The following PGGT1B variants were observed in gnomAD, a reference collection of about 807,000 sequenced individuals.
PGGT1B encodes the protein protein geranylgeranyltransferase type I subunit beta.
Under a neutral mutation model 46.1 loss-of-function variants are expected in PGGT1B, and 30 were observed. The observed-to-expected ratio is 0.65, with a 90% CI of 0.49 to 0.88. The LOEUF (loss-of-function observed/expected upper bound fraction) is 0.88. PGGT1B is among the 40% of genes least tolerant of loss of function. PGGT1B has a pLI of 0.00. For synonymous variants in PGGT1B, 170 were observed against 160.0 expected (o/e 1.06, Z -0.47); for missense variants, 376 against 455.9 (o/e 0.82, Z 1.60).
intron 3 of PGGT1B, among the ~76,000 whole-genome samples, chr5:115,240,427 A>G (rs1328777462): frequency 6.6e-6 from 1 of 152,200 alleles, no homozygotes; most frequent in Non-Finnish European, 1.5e-5. Context: ...TCTGTTCATT[A>G]TGACTAAATG....
chr5:115,219,181 C>T (rs1361621797), intron 7 of PGGT1B, among the ~76,000 whole-genome samples: 4 of 151,896 alleles, frequency 2.6e-5, no homozygotes, highest in Non-Finnish European at 5.9e-5. Flanking sequence ...AAGTCTCAAA[C>T]TTCTTGACTT....
intron 6 of PGGT1B, among the ~76,000 whole-genome samples, chr5:115,223,340 C>A (rs548151400): frequency 6.6e-6 from 1 of 151,994 alleles, no homozygotes; most frequent in Admixed American, 6.6e-5. Context: ...TTAAGTTAAA[C>A]GATCTTGAAA....
intron 2 of PGGT1B, among the ~76,000 whole-genome samples, chr5:115,250,194 T>A (rs191660242): frequency 6.6e-6 from 1 of 152,314 alleles, no homozygotes; most frequent in East Asian, 1.9e-4. Flanking sequence ...CTAGATGTTA[T>A]AATTCCCTAG....
intron 2 of PGGT1B, among the ~76,000 whole-genome samples, chr5:115,249,177 C>T (rs1487052208): frequency 6.6e-6 from 1 of 151,800 alleles, no homozygotes; most frequent in Non-Finnish European, 1.5e-5. Flanking sequence ...TCTATGTATC[C>T]TTTCTGAGTT....
At chr5:115,256,217 T>C (rs1748306201) in intron 1 of PGGT1B, among the ~76,000 whole-genome samples, 1 of 152,210 alleles carries the variant, frequency 6.6e-6, no homozygotes, top group East Asian at 1.9e-4. Flanking sequence ...CCACGGCTGC[T>C]GCTAAATGTC....
intron 1 of PGGT1B, among the ~76,000 whole-genome samples, chr5:115,253,782 T>C (rs1041767717): frequency 3.3e-5 from 5 of 152,010 alleles, no homozygotes; most frequent in South Asian, 2.1e-4. Context: ...AAAATACAAA[T>C]GTACTTACAC....
chr5:115,239,107 C>T (rs1757275055), intron 3 of PGGT1B, among the ~76,000 whole-genome samples: 1 of 151,882 alleles, frequency 6.6e-6, no homozygotes, highest in African/African-American at 2.4e-5. Flanking sequence ...GGCACAATCT[C>T]GCTCACTGCA....
rs1368325570 is a variant in PGGT1B at position 115,206,916 on chromosome 5, T to A, written c.*5486A>T. On this transcript the variant is annotated 3_prime_UTR_variant, in exon 9 of 9. Transcript: ENST00000419445. ...TAGTATGTTCTCTCAAATAACAATA[T>A]AATTTTTATTGGAATGGCACTGAAT... 1.3e-5 allele frequency: 2 copies of A among 151,806 alleles called. No homozygotes were observed. Among genetic ancestry groups the A allele is most frequent in the African/African-American group, 4.8e-5 (2 of 41,390 alleles). The allele number at this position is 151,806 out of a possible 1,614,324, so 9.4% of individuals were successfully genotyped here.
rs1225624353 is a variant in PGGT1B at position 115,212,035 on chromosome 5, T to G, written c.*367A>C. ...TCACTAAGTGTTCACCTGAAGATTA[T>G]CAATGCTATATGAAGTGTAAACTTG... On this transcript the variant is annotated 3_prime_UTR_variant, in exon 9 of 9. Transcript: ENST00000419445. 5.9e-6 allele frequency: 1 copy of G among 170,668 alleles called. No homozygotes were observed. The highest frequency in any genetic ancestry group is 1.3e-5 in the Non-Finnish European group (1 of 79,386). The allele number at this position is 170,668 out of a possible 1,614,324, so 10.6% of individuals were successfully genotyped here.
chr5:115,241,009 C>T (rs1219932133), intron 3 of PGGT1B, among the ~76,000 whole-genome samples: 1 of 152,102 alleles, frequency 6.6e-6, no homozygotes, highest in African/African-American at 2.4e-5. Flanking sequence ...GGTATCAAGG[C>T]CTTTGGATAT....
intron 5 of PGGT1B, among the ~76,000 whole-genome samples, chr5:115,233,323 G>A (rs1034634219): frequency 1.3e-5 from 2 of 151,362 alleles, no homozygotes; most frequent in Non-Finnish European, 3.0e-5. Flanking sequence ...AAAAGAAATA[G>A]AAGAAAAAGA....
chr5:115,254,221 C>A (rs1278293336), intron 1 of PGGT1B, among the ~76,000 whole-genome samples: 1 of 152,006 alleles, frequency 6.6e-6, no homozygotes, highest in South Asian at 2.1e-4. Context: ...GTACTATTAT[C>A]TAGAATAGTA....
chr5:115,208,254 T>C lies in PGGT1B; in HGVS notation c.*4148A>G, dbSNP rs1182934135. The C allele has an allele frequency of 3.3e-5, 5 of 151,662 alleles. No homozygotes were observed. The highest frequency in any genetic ancestry group is 2.1e-4 in the South Asian group (1 of 4,766). The allele number at this position is 151,662 out of a possible 1,614,324, so 9.4% of individuals were successfully genotyped here. ...GAATTCAGGAGTTTTTCTTTATTTG[T>C]TTTTTTTCTTTTTTTGGCACTTTGA... is the stretch of plus-strand genomic sequence containing the variant. On this transcript the variant is annotated 3_prime_UTR_variant, in exon 9 of 9. Transcript: ENST00000419445.
At chr5:115,223,445 G>C (rs1756650805) in intron 6 of PGGT1B, among the ~76,000 whole-genome samples, 1 of 152,064 alleles carries the variant, frequency 6.6e-6, no homozygotes, top group African/African-American at 2.4e-5. Flanking sequence ...ACAGAGAGGG[G>C]GTGGCAATGC....
At chr5:115,230,896 G>T in intron 6 of PGGT1B, 80 bp downstream of exon 6, 1 of 820,400 alleles carries the variant, frequency 1.2e-6, no homozygotes, top group Non-Finnish European at 2.0e-6. Flanking sequence ...AAACTTCTGA[G>T]GTTCTCCATA....
At chr5:115,255,127 A>G (rs761184668) in intron 1 of PGGT1B, among the ~76,000 whole-genome samples, 9 of 152,232 alleles carry the variant, frequency 5.9e-5, no homozygotes, top group Non-Finnish European at 1.3e-4. Flanking sequence ...ACTCACAATA[A>G]GCACGCAATA....
chr5:115,218,558 A>G (rs867635025), intron 7 of PGGT1B, among the ~76,000 whole-genome samples: 45 of 149,602 alleles, frequency 3.0e-4, no homozygotes, highest in Non-Finnish European at 4.6e-4. Context: ...AGGGGATGGT[A>G]GGGAACCAAC....
intron 3 of PGGT1B, among the ~76,000 whole-genome samples, chr5:115,239,804 A>G (rs1757296005): frequency 6.6e-6 from 1 of 152,220 alleles, no homozygotes; most frequent in Non-Finnish European, 1.5e-5. Flanking sequence ...ACAACACAAA[A>G]TTTGCTAGAG....
At position 115,218,915 on chromosome 5, in the gene PGGT1B, T is replaced by C. The variant is rs375300469; in HGVS notation, c.844-1942A>G. 5.3e-5 allele frequency among the ~76,000 whole-genome samples: 8 copies of C among 151,854 alleles called. No individual in the cohort carries two copies. The East Asian group carries it at 1.3e-3, about 26-fold the overall frequency. ...TTAACAAAAAGGTGAAAGATTTGTA[T>C]GTTGAAAACTACAAAACATTGCTGA... On this transcript the variant is annotated intron_variant, in intron 7 of 8. Transcript: ENST00000419445.
Sources: gnomAD v4.1 joint callset for allele counts (sites outside exome capture counted in the v4.1 genomes callset) on GRCh38, gnomAD v4.1.1 for gene constraint, MANE v1.5 for transcripts, NCBI Gene and HGNC (gene_info 2026-07-23, HGNC 2026-07-21) for gene names.